PHACTR2: variants seen among roughly 807,000 people sequenced by gnomAD.
The protein encoded by PHACTR2 is chromosome 6 open reading frame 56.
In PHACTR2, 30 loss-of-function variants were observed where a neutral mutation model predicts 76.0. That is an observed-to-expected ratio of 0.39 (90% confidence interval 0.30 to 0.54). The LOEUF is 0.54. Ranked by LOEUF, PHACTR2 falls within the 20% of genes least tolerant of loss-of-function variation. The pLI, the probability that PHACTR2 is intolerant of heterozygous loss-of-function variation, is 0.61. For missense variants in PHACTR2, 696 were observed against 781.1 expected, an observed-to-expected ratio of 0.89 and a Z score of 1.30; for synonymous variants, 292 against 292.5, an observed-to-expected ratio of 1.00 and a Z score of 0.02.
rs753590215 is a variant in PHACTR2, at chr6:143,791,692, A to AT, written c.1845+2793dup. 0.01 allele frequency among the ~76,000 whole-genome samples: 1,516 copies of AT among 147,206 alleles called. 8 individuals carry two copies. Among genetic ancestry groups the AT allele is most frequent in the Middle Eastern group, 0.032 (9 of 284 alleles). On this transcript the variant is annotated intron_variant, in intron 11 of 12. Coordinates refer to ENST00000440869, the MANE Select transcript of PHACTR2 (RefSeq NM_001100164.2). This position sits in a 1 kb window ranked among gnomAD's most constrained non-coding sequence, Gnocchi z 4.7. The stretch of plus-strand genomic sequence containing the variant: ...ACATGTTAAATCTCCCACTATGTGG[A>AT]TTTTTTTTTTTACTTCTCCTTATAA...
In PHACTR2 at chr6:143,708,972, T is replaced by A. The variant is rs1778110486; in HGVS notation, c.47-3044T>A. 6.6e-6 allele frequency among the ~76,000 whole-genome samples: 1 copy of A among 152,194 alleles called. No individual in the cohort carries two copies. The highest frequency in any genetic ancestry group is 1.5e-5 in the Non-Finnish European group (1 of 68,038). On this transcript the variant is annotated intron_variant, in intron 1 of 12. Coordinates refer to ENST00000440869, the MANE Select transcript of PHACTR2 (RefSeq NM_001100164.2). The surrounding 1 kb of genome is among the most constrained non-coding windows in gnomAD (Gnocchi z 5.5). ...ATGGAAACTTTTGTTTCTATGTTCA[T>A]AATAATTAGCCCTTTTATATTTTAC...
At chr6:143,538,189 C>G (rs180925293) in intron 1 of PHACTR2, among the ~76,000 whole-genome samples, 3 of 152,216 alleles carry the variant, frequency 2.0e-5, no homozygotes, top group Non-Finnish European at 4.4e-5. Flanking sequence ...CCCTGTGCCC[C>G]GTGCACCGGG....
At position 143,765,725 on chromosome 6, in the gene PHACTR2, G is replaced by T. The variant is rs1434220029; in HGVS notation, c.1159G>T (p.Ala387Ser). Residue 387 changes from alanine (A) to serine (S), a missense_variant, in exon 6 of 13, where the codon GCT becomes TCT. By Grantham distance (99) the Ala-to-Ser change is moderately conservative. Transcript: ENST00000440869. The surrounding 1 kb of genome is among the most constrained non-coding windows in gnomAD (Gnocchi z 4.1). ...SALDPSQLLWAEEPTNRTTLY... is the reference protein window; with the variant it reads ...SALDPSQLLWSEEPTNRTTLY... ...CTTAGACCCAAGTCAGCTTCTTTGG[G>T]CTGAAGAGCCGACGAACAGAACCAC... 6.2e-7 allele frequency: 1 copy of T among 1,614,204 alleles called. No homozygotes were observed. Among genetic ancestry groups the T allele is most frequent in the South Asian group, 1.1e-5 (1 of 91,080 alleles).
rs559940861 is a variant in PHACTR2 at position 143,776,450 on chromosome 6, A to T, written c.1590-878A>T. ...AACATTGTTACATAGAAGAAAATAC[A>T]ATGAAAAAGGGAGATTGCGTTCACG... On this transcript the variant is annotated intron_variant, in intron 8 of 12. Transcript: ENST00000440869. This position sits in a 1 kb window ranked among gnomAD's most constrained non-coding sequence, Gnocchi z 5.3. Among the ~76,000 whole-genome samples the T allele has an allele frequency of 6.6e-6, 1 of 152,360 alleles. No homozygotes were observed. Among genetic ancestry groups the T allele is most frequent in the South Asian group, 2.1e-4 (1 of 4,830 alleles).
rs1203354004 is a variant in PHACTR2 at position 143,619,330 on chromosome 6, C to G, written c.13+11008C>G. On this transcript the variant is annotated intron_variant, in intron 1 of 11. Coordinates refer to the PHACTR2 transcript ENST00000305766. The surrounding 1 kb of genome is among the most constrained non-coding windows in gnomAD (Gnocchi z 4.5). ...AAGAAATGCTTCACAGATGATTCCT[C>G]TACGCCCTGGTGAGACCCATTATCG... Among the ~76,000 whole-genome samples, 2 of 152,238 alleles carry G rather than the reference C, an allele frequency of 1.3e-5. No homozygotes were observed. Among genetic ancestry groups the G allele is most frequent in the South Asian group, 2.1e-4 (1 of 4,830 alleles).
intron 2 of PHACTR2, among the ~76,000 whole-genome samples, chr6:143,715,630 T>C (rs902895852): frequency 1.3e-5 from 2 of 152,202 alleles, no homozygotes; most frequent in African/African-American, 4.8e-5. Flanking sequence ...GCTTTCATTC[T>C]AGACAGGTAG....
intron 12 of PHACTR2, chr6:143,810,481 G>C: frequency 2.4e-6 from 1 of 415,988 alleles, no homozygotes; most frequent in South Asian, 1.8e-5. Context: ...TATTCTAAAG[G>C]ATGAACAATA....
At chr6:143,622,769 A>G (rs1776179432) in intron 1 of PHACTR2, among the ~76,000 whole-genome samples, 1 of 152,238 alleles carries the variant, frequency 6.6e-6, no homozygotes, top group South Asian at 2.1e-4. Flanking sequence ...CAAATTTAGA[A>G]TTTAAAAATA....
intron 1 of PHACTR2, among the ~76,000 whole-genome samples, chr6:143,555,889 G>A (rs1435188729): frequency 3.4e-5 from 5 of 147,558 alleles, no homozygotes; most frequent in African/African-American, 7.5e-5. Context: ...AATCACCACC[G>A]ACACAAAAGA....
chr6:143,809,037 G>C lies in PHACTR2; in HGVS notation c.1922+1904G>C, dbSNP rs183131390. On this transcript the variant is annotated intron_variant, in intron 12 of 12. Transcript: ENST00000440869. The surrounding 1 kb of genome is among the most constrained non-coding windows in gnomAD (Gnocchi z 4.2). ...GAAGATAGAGTGCTTGGTGCAGTTG[G>C]GTCCTGATCCCTGAGCTGCAGTGAC... is the stretch of plus-strand genomic sequence containing the variant. Among the ~76,000 whole-genome samples the C allele has an allele frequency of 2.0e-3, 305 of 152,314 alleles. 6 individuals carry two copies. The highest frequency in any genetic ancestry group is 7.7e-4 in the East Asian group (4 of 5,186).
chr6:143,736,795 C>T (rs964910951), intron 2 of PHACTR2, among the ~76,000 whole-genome samples: 3 of 151,506 alleles, frequency 2.0e-5, no homozygotes, highest in South Asian at 2.1e-4. Flanking sequence ...AGGATGGTCT[C>T]GATCTCCTGA....
At chr6:143,637,368 T>G (rs543814661) in intron 1 of PHACTR2, among the ~76,000 whole-genome samples, 4 of 151,608 alleles carry the variant, frequency 2.6e-5, no homozygotes, top group African/African-American at 9.7e-5. Flanking sequence ...GAAAAAAGGA[T>G]GAAGGAAAGT....
intron 5 of PHACTR2, among the ~76,000 whole-genome samples, chr6:143,763,284 G>A (rs1037673786): frequency 5.9e-5 from 9 of 152,174 alleles, no homozygotes; most frequent in East Asian, 5.8e-4. Flanking sequence ...ACTTGAACCC[G>A]GGAGGCAGAG....
intron 2 of PHACTR2, among the ~76,000 whole-genome samples, chr6:143,746,701 G>A (rs1333249957): frequency 2.6e-5 from 4 of 152,154 alleles, no homozygotes; most frequent in Non-Finnish European, 4.4e-5. Context: ...TCCCAGCAGT[G>A]TCCCACCTGT....
chr6:143,589,866 A>C lies in PHACTR2; in HGVS notation c.217+52659A>C, dbSNP rs916429081. Among the ~76,000 whole-genome samples, 4 of 152,256 alleles carry C rather than the reference A, an allele frequency of 2.6e-5. No homozygotes were observed. Among genetic ancestry groups the C allele is most frequent in the Non-Finnish European group, 5.9e-5 (4 of 68,046 alleles). On this transcript the variant is annotated intron_variant, in intron 1 of 11. Transcript: ENST00000367584. The surrounding 1 kb of genome is among the most constrained non-coding windows in gnomAD (Gnocchi z 4.4). ...GACGATACACATCCCAGCTCATTCT[A>C]GAACCAGGCAAGGATAATAGGAGAA... is the stretch of plus-strand genomic sequence containing the variant.
At position 143,830,880 on chromosome 6, in the gene PHACTR2, T is replaced by C. The variant is rs887256477; in HGVS notation, c.*7191T>C. The C allele has an allele frequency of 2.0e-5, 3 of 152,200 alleles. No individual in the cohort carries two copies. Among genetic ancestry groups the C allele is most frequent in the Non-Finnish European group, 4.4e-5 (3 of 68,016 alleles). 9.4% of individuals were successfully genotyped at this position (152,200 alleles called of 1,614,324 possible). ...ATATTTGGATAGTGCTCAGCCTTTTTAAATGAAAAAAGAAAAAAGAGTAAG... is the reference window on the plus strand; with the variant it reads ...ATATTTGGATAGTGCTCAGCCTTTTCAAATGAAAAAAGAAAAAAGAGTAAG... On this transcript the variant is annotated 3_prime_UTR_variant, in exon 13 of 13. Coordinates refer to ENST00000440869, the MANE Select transcript of PHACTR2 (RefSeq NM_001100164.2).
rs573982071 is a variant in PHACTR2 at position 143,750,875 on chromosome 6, A to T, written c.295+1810A>T. Among the ~76,000 whole-genome samples, 60 of 152,356 alleles carry T rather than the reference A, an allele frequency of 3.9e-4. 1 individual carries two copies. The highest frequency in any genetic ancestry group is 1.8e-3 in the Admixed American group (28 of 15,306). On this transcript the variant is annotated intron_variant, in intron 3 of 12. Coordinates refer to ENST00000440869, the MANE Select transcript of PHACTR2 (RefSeq NM_001100164.2). This position sits in a 1 kb window ranked among gnomAD's most constrained non-coding sequence, Gnocchi z 4.6. ...TAGGCTTAATGTTTGAGAAGTCATA[A>T]AATACTAGATTTTACTTTCCAGCTT...
intron 1 of PHACTR2, among the ~76,000 whole-genome samples, chr6:143,685,688 G>GAAAAAA (rs145706092): frequency 1.3e-5 from 1 of 78,296 alleles, no homozygotes; most frequent in Non-Finnish European, 2.9e-5. Flanking sequence ...GCAATTAAAT[G>GAAAAAA]AAAAAAAAAA....
At chr6:143,634,647 C>T (rs55648244) in intron 1 of PHACTR2, among the ~76,000 whole-genome samples, 1,952 of 152,188 alleles carry the variant, frequency 0.013, 34 homozygotes, top group African/African-American at 0.045. Context: ...GAGAATGAGG[C>T]TTGGATTCAT....
Sources: gnomAD v4.1 joint callset for allele counts (sites outside exome capture counted in the v4.1 genomes callset) on GRCh38, gnomAD v4.1.1 for gene constraint, Gnocchi (gnomAD v3.1) non-coding constraint, MANE v1.5 for transcripts, NCBI Gene and HGNC (gene_info 2026-07-23, HGNC 2026-07-21) for gene names.